Variants in BMP3 observed in about 807,000 individuals in gnomAD.
The protein encoded by BMP3 is bone morphogenetic protein 3.
BMP3 carries 23 observed loss-of-function variants against 38.1 expected under a neutral mutation model. That is an observed-to-expected ratio of 0.60 (90% CI 0.43 to 0.86). BMP3 has a LOEUF of 0.86. BMP3 is among the 40% of genes least tolerant of loss of function. The pLI is 0.00. For synonymous variants in BMP3, 258 were observed against 225.7 expected (o/e 1.14, Z -1.28); for missense variants, 628 against 579.6 (o/e 1.08, Z -0.86).
intron 1 of BMP3, among the ~76,000 whole-genome samples, chr4:81,032,216 A>AAAAC (rs1553913137): frequency 7.1e-6 from 1 of 141,554 alleles, no homozygotes; most frequent in Non-Finnish European, 1.5e-5. Context: ...AAAAAAAAAA[A>AAAAC]AAAACAGGTG....
chr4:81,046,805 T>C (rs1418288630), intron 2 of BMP3, among the ~76,000 whole-genome samples, 157 bp downstream of exon 2: 5 of 152,192 alleles, frequency 3.3e-5, no homozygotes, highest in South Asian at 4.1e-4. Flanking sequence ...TAAACCATAA[T>C]AGGTAATATG....
chr4:81,047,802 C>T lies in BMP3; in HGVS notation c.1227+1154C>T, dbSNP rs145452352. On this transcript the variant is annotated intron_variant, in intron 2 of 2. Coordinates refer to ENST00000282701, the MANE Select transcript of BMP3 (RefSeq NM_001201.5). ...AAATGCAAAGGGCTTTAGTCTGGCACAGTGGCATGCCCCTGTAGTTCCAGC... is the reference window on the plus strand; with the variant it reads ...AAATGCAAAGGGCTTTAGTCTGGCATAGTGGCATGCCCCTGTAGTTCCAGC... 1.6e-4 allele frequency among the ~76,000 whole-genome samples: 24 copies of T among 152,100 alleles called. No homozygotes were observed. In the East Asian group the frequency reaches 4.7e-3, roughly 30 times the overall value.
intron 2 of BMP3, among the ~76,000 whole-genome samples, chr4:81,049,997 G>A (rs1283270990): frequency 1.3e-5 from 2 of 152,132 alleles, no homozygotes. Context: ...CTTTTTGTCT[G>A]CAAAAGTTGA....
At chr4:81,031,696 G>A (rs764250210) in intron 1 of BMP3, 96 bp downstream of exon 1, 144 of 1,380,456 alleles carry the variant, frequency 1.0e-4, no homozygotes, top group Non-Finnish European at 1.3e-4. Context: ...GCTTGGTGGC[G>A]CTGCCTAGGG....
chr4:81,050,295 G>A (rs960926783), intron 2 of BMP3, among the ~76,000 whole-genome samples: 1 of 152,146 alleles, frequency 6.6e-6, no homozygotes, highest in Admixed American at 6.6e-5. Flanking sequence ...TCACAGACAC[G>A]GCAGTTTGGA....
chr4:81,046,717 A>T, intron 2 of BMP3, 69 bp downstream of exon 2: 1 of 1,506,882 alleles, frequency 6.6e-7, no homozygotes, highest in Middle Eastern at 1.8e-4. Context: ...TGACTAAGTT[A>T]GTGTGCATAT....
At chr4:81,041,832 T>C (rs1023929409) in intron 1 of BMP3, among the ~76,000 whole-genome samples, 11 of 152,218 alleles carry the variant, frequency 7.2e-5, no homozygotes, top group African/African-American at 2.7e-4. Flanking sequence ...GTCCAAAGAT[T>C]ACTTCCTACC....
intron 2 of BMP3, among the ~76,000 whole-genome samples, chr4:81,052,657 C>T (rs150826549): frequency 2.0e-5 from 3 of 152,038 alleles, no homozygotes; most frequent in Admixed American, 6.6e-5. Context: ...CAACAGTGAC[C>T]CCCAGTGGCC....
chr4:81,035,774 G>C (rs544750344), intron 1 of BMP3, among the ~76,000 whole-genome samples: 4 of 152,048 alleles, frequency 2.6e-5, no homozygotes, highest in Non-Finnish European at 5.9e-5. Flanking sequence ...TGGGCCTCAT[G>C]GTCAAACTTG....
intron 1 of BMP3, among the ~76,000 whole-genome samples, chr4:81,033,282 A>G (rs1739826539): frequency 6.6e-6 from 1 of 152,238 alleles, no homozygotes; most frequent in South Asian, 2.1e-4. Context: ...CACGTATTGT[A>G]TAGCTTTTAT....
At chr4:81,047,235 C>T (rs1578299035) in intron 2 of BMP3, among the ~76,000 whole-genome samples, 1 of 152,182 alleles carries the variant, frequency 6.6e-6, no homozygotes, top group Non-Finnish European at 1.5e-5. Flanking sequence ...AGGAAAGCAA[C>T]ATAGAATATG....
At position 81,031,378 on chromosome 4, in the gene BMP3, C is replaced by T. The variant is rs1181619721; in HGVS notation, c.94C>T (p.Leu32Phe). ...GERPKPPFPE[L>F]RKAVPGDRTA... ...GAGACCGAAGCCACCTTTCCCGGAG[C>T]TCCGCAAAGCTGTGCCAGGTGACCG... The change falls in exon 1 of 3, where the codon CTC becomes TTC. Residue 32 changes from leucine to phenylalanine, a missense_variant. Leu to Phe is a conservative substitution (Grantham distance 22). Transcript: ENST00000282701. 3.1e-6 allele frequency: 5 copies of T among 1,613,552 alleles called. No individual in the cohort carries two copies. The highest frequency in any genetic ancestry group is 2.2e-5 in the East Asian group (1 of 44,848).
Position 81,046,116 on chromosome 4 carries a change from G to T in BMP3, c.695G>T (p.Arg232Met). ...TSKGRQLPKR[R>M]LPFPEPYILV... Reference sequence around the variant, plus strand: ...AAGGGACGCCAGCTGCCAAAGAGGAGGTTACCTTTTCCAGAGCCTTATATC... The same window carrying T: ...AAGGGACGCCAGCTGCCAAAGAGGATGTTACCTTTTCCAGAGCCTTATATC... Residue 232 changes from arginine (R) to methionine (M), a missense_variant, in exon 2 of 3, where the codon AGG becomes ATG. By Grantham distance (91) the Arg-to-Met change is moderately conservative. Transcript: ENST00000282701. 6.2e-7 allele frequency: 1 copy of T among 1,614,132 alleles called. No homozygotes were observed. Among genetic ancestry groups the T allele is most frequent in the South Asian group, 1.1e-5 (1 of 91,082 alleles).
At chr4:81,036,095 T>G (rs1233020533) in intron 1 of BMP3, among the ~76,000 whole-genome samples, 1 of 152,048 alleles carries the variant, frequency 6.6e-6, no homozygotes, top group African/African-American at 2.4e-5. Context: ...TGTCATTAAA[T>G]TTTATTTTTT....
intron 2 of BMP3, among the ~76,000 whole-genome samples, chr4:81,046,895 CAT>C (rs1213419903): frequency 1.3e-5 from 2 of 152,220 alleles, no homozygotes; most frequent in Non-Finnish European, 2.9e-5. Flanking sequence ...GAGAAAAAAA[CAT>C]GTGTGAAACA....
Position 81,031,512 on chromosome 4 carries a change from G to C in BMP3, c.228G>C (p.Pro76=). 6.2e-7 allele frequency: 1 copy of C among 1,612,656 alleles called. No individual in the cohort carries two copies. Among genetic ancestry groups the C allele is most frequent in the Non-Finnish European group, 8.5e-7 (1 of 1,179,614 alleles). The part of the protein sequence containing the change: ...RYSTVQAART[P]GSLEGGSQPW... ...GCACGGTCCAGGCGGCCCGGACACCGGGCTCCCTGGAGGGAGGCTCGCAGC... is the reference window on the plus strand; with the variant it reads ...GCACGGTCCAGGCGGCCCGGACACCCGGCTCCCTGGAGGGAGGCTCGCAGC... Residue 76 remains proline, a synonymous_variant, in exon 1 of 3, where the codon CCG becomes CCC. Transcript: ENST00000282701.
At chr4:81,041,586 T>C (rs11727701) in intron 1 of BMP3, among the ~76,000 whole-genome samples, 139,225 of 152,216 alleles carry the variant, frequency 0.91, 64,901 homozygotes, top group East Asian at 1. Flanking sequence ...AGCCTTCAGA[T>C]TGGCCATTCC....
At chr4:81,034,782 C>A (rs1578293337) in intron 1 of BMP3, among the ~76,000 whole-genome samples, 1 of 152,044 alleles carries the variant, frequency 6.6e-6, no homozygotes, top group Non-Finnish European at 1.5e-5. Flanking sequence ...GACCAAAGTA[C>A]TTTTAAGATA....
At chr4:81,040,236 G>T (rs1033076662) in intron 1 of BMP3, among the ~76,000 whole-genome samples, 2 of 152,224 alleles carry the variant, frequency 1.3e-5, no homozygotes, top group Non-Finnish European at 2.9e-5. Context: ...TAAGAAAATA[G>T]CACCACCTAT....
Sources: gnomAD v4.1 joint callset for allele counts (sites outside exome capture counted in the v4.1 genomes callset) on GRCh38, gnomAD v4.1.1 for gene constraint, MANE v1.5 for transcripts, NCBI Gene and HGNC (gene_info 2026-07-23, HGNC 2026-07-21) for gene names.